Variants in ANKRD1 observed in about 807,000 individuals in gnomAD.
The protein encoded by ANKRD1 is ankyrin repeat domain-containing protein 1.
ANKRD1 carries 32 observed loss-of-function variants against 40.1 expected under a neutral mutation model. The ratio of observed to expected loss-of-function variants is 0.80; its 90% CI spans 0.60 to 1.07. ANKRD1 has a LOEUF of 1.07. Among genes scored for constraint, ANKRD1 ranks in the 50% least tolerant of loss-of-function variants. ANKRD1 has a pLI of 0.00. For missense variants in ANKRD1, 359 were observed against 386.0 expected, an observed-to-expected ratio of 0.93 and a Z score of 0.59; for synonymous variants, 149 against 141.2, an observed-to-expected ratio of 1.06 and a Z score of -0.39.
chr10:90,913,715 C>T (rs561389426), intron 8 of ANKRD1, among the ~76,000 whole-genome samples: 3 of 152,274 alleles, frequency 2.0e-5, no homozygotes, highest in South Asian at 4.2e-4. Context: ...TTTAACCCAG[C>T]GACTGCAAAT....
In ANKRD1 at chr10:90,918,991, AAT is replaced by A. The variant is rs60406118; in HGVS notation, c.346-21_346-20del. The A allele has an allele frequency of 0.023, 5,965 of 259,870 alleles. No homozygotes were observed. Among genetic ancestry groups the A allele is most frequent in the East Asian group, 0.049 (204 of 4,202 alleles). The allele number at this position is 259,870 out of a possible 1,614,324, so 16.1% of individuals were successfully genotyped here. ...GTTCCGTCTAAAGCCAAAATAAATAAATATATATATATATATATATATATAGC... is the reference window on the plus strand; with the variant it reads ...GTTCCGTCTAAAGCCAAAATAAATAAATATATATATATATATATATATAGC... On this transcript the variant is annotated intron_variant, in intron 3 of 8. Transcript: ENST00000371697.
chr10:90,914,338 G>C (rs1847346324), intron 8 of ANKRD1, among the ~76,000 whole-genome samples: 1 of 151,900 alleles, frequency 6.6e-6, no homozygotes, highest in Admixed American at 6.6e-5. Context: ...TAAATTCCTT[G>C]CACTTCTCTC....
At chr10:90,914,837 T>C (rs1237680485) in intron 8 of ANKRD1, among the ~76,000 whole-genome samples, 4 of 151,802 alleles carry the variant, frequency 2.6e-5, no homozygotes, top group Admixed American at 6.6e-5. Context: ...TATTAGATGG[T>C]GTTTGTCTGG....
At chr10:90,918,842 G>T (rs1458280289) in intron 4 of ANKRD1, 23 bp downstream of exon 4, 3 of 1,523,960 alleles carry the variant, frequency 2.0e-6, no homozygotes, top group Non-Finnish European at 2.7e-6. Flanking sequence ...GCTGGATTTT[G>T]CAGTGCTTTG....
rs868217889 is a variant in ANKRD1 at position 90,915,413 on chromosome 10, A to G, written c.849+130T>C. ...CAAGATAAACACTGTCCTTGGGGAA[A>G]TGGGCAGGGGCATTTAGACCATCGA... On this transcript the variant is annotated intron_variant, in intron 8 of 8. Coordinates refer to ENST00000371697, the MANE Select transcript of ANKRD1 (RefSeq NM_014391.3). The G allele has an allele frequency of 3.2e-5, 26 of 803,970 alleles. 1 individual carries two copies. The Middle Eastern group carries it at 1.9e-3, about 60-fold the overall frequency. The allele number at this position is 803,970 out of a possible 1,614,324, so 49.8% of individuals were successfully genotyped here.
rs781673866 is a variant in ANKRD1 at position 90,915,800 on chromosome 10, G to A, written c.732C>T (p.Asp244=). ...CAEHLIACEA[D]LNAKDREGDT... is the part of the protein sequence containing the mutation. ...TACTCACTCTGTCTTTGGCGTTGAG[G>A]TCTGCCTCACAGGCGATAAGATGCT... The change falls in exon 7 of 9, where the codon GAC becomes GAT. Residue 244 remains aspartate (D), a synonymous_variant. Transcript: ENST00000371697. 32 of 1,613,722 alleles carry A rather than the reference G, an allele frequency of 2.0e-5. No homozygotes were observed. The highest frequency in any genetic ancestry group is 2.6e-5 in the Non-Finnish European group (31 of 1,179,984).
Position 90,912,966 on chromosome 10 carries a change from G to A in ANKRD1, c.860C>T (p.Thr287Met), listed in dbSNP as rs794728975. ...DLNIKNCAGK[T>M]PMDLVLHWQN... ...CCAGTGTAGCACCAGATCCATCGGC[G>A]TCTTCCCAGCCTAATCAAATGAGAT... Residue 287 changes from threonine to methionine, a missense_variant, in exon 9 of 9, where the codon ACG (threonine) becomes ATG (methionine). Physicochemically the swap from Thr to Met is moderately conservative, Grantham distance 81. Transcript: ENST00000371697. 12 of 1,613,856 alleles carry A rather than the reference G, an allele frequency of 7.4e-6. No homozygotes were observed. The African/African-American group carries it at 9.3e-5, about 13-fold the overall frequency.
At position 90,918,991 on chromosome 10, in the gene ANKRD1, A is replaced by AATAAATAT. The variant is rs1554827903; in HGVS notation, c.346-20_346-19insATATTTAT. 7.8e-5 allele frequency: 21 copies of AATAAATAT among 269,582 alleles called. No homozygotes were observed. The African/African-American group carries it at 1.4e-3, about 18-fold the overall frequency. The allele number at this position is 269,582 out of a possible 1,614,324, so 16.7% of individuals were successfully genotyped here. A position where few individuals can be genotyped will look rare whatever the true frequency, so the allele number is the denominator to read the frequency against. On this transcript the variant is annotated intron_variant, in intron 3 of 8. Coordinates refer to ENST00000371697, the MANE Select transcript of ANKRD1 (RefSeq NM_014391.3). ...GTTCCGTCTAAAGCCAAAATAAATA[A>AATAAATAT]ATATATATATATATATATATATATA...
At position 90,915,464 on chromosome 10, in the gene ANKRD1, G is replaced by T. The variant is rs878906921; in HGVS notation, c.849+79C>A. On this transcript the variant is annotated intron_variant, in intron 8 of 8. Coordinates refer to ENST00000371697, the MANE Select transcript of ANKRD1 (RefSeq NM_014391.3). ...AGACCCCTCAAATACTGCCATTGTG[G>T]GAGTCGTTTCACCTATTTAAGAAAT... The T allele has an allele frequency of 8.1e-6, 10 of 1,238,130 alleles. No homozygotes were observed. In the South Asian group the frequency reaches 1.3e-4, roughly 16 times the overall value. 76.7% of individuals were successfully genotyped at this position (1,238,130 alleles called of 1,614,324 possible).
At position 90,912,877 on chromosome 10, in the gene ANKRD1, C is replaced by G. The variant is rs771333829; in HGVS notation, c.949G>C (p.Ala317Pro). ...GTCTGTCGTTTGCCTCAGAATGTAG[C>G]TATGCGAGAGGTCTTGTAGGAGTTC... ...RENSYKTSRI[A>P]TF The change falls in exon 9 of 9, where the codon GCT (alanine) becomes CCT (proline). Residue 317 changes from alanine to proline, a missense_variant. Transcript: ENST00000371697. 6.2e-7 allele frequency: 1 copy of G among 1,613,928 alleles called. No homozygotes were observed. Among genetic ancestry groups the G allele is most frequent in the Non-Finnish European group, 8.5e-7 (1 of 1,179,850 alleles).
chr10:90,920,085 G>C (rs1847418597), intron 2 of ANKRD1, 84 bp downstream of exon 2: 2 of 1,573,994 alleles, frequency 1.3e-6, no homozygotes, highest in African/African-American at 1.3e-5. Flanking sequence ...GATTGGGTTT[G>C]TTTCTCTCTT....
At chr10:90,916,493 T>A (rs780279522) in intron 5 of ANKRD1, among the ~76,000 whole-genome samples, 2 of 152,178 alleles carry the variant, frequency 1.3e-5, no homozygotes, top group Admixed American at 6.5e-5. Context: ...AATCTAATAA[T>A]GTTTTAAAAG....
chr10:90,912,731 C>T lies in ANKRD1; in HGVS notation c.*135G>A. The T allele has an allele frequency of 1.2e-6, 1 of 865,498 alleles. No homozygotes were observed. 53.6% of individuals were successfully genotyped at this position (865,498 alleles called of 1,614,324 possible). On this transcript the variant is annotated 3_prime_UTR_variant, in exon 9 of 9. Transcript: ENST00000371697. Reference sequence around the variant, plus strand: ...TTAAACACCTATAACCCTGTGCTTTCTCAAAACTTCATTAGGTACATCTTC... The same window carrying T: ...TTAAACACCTATAACCCTGTGCTTTTTCAAAACTTCATTAGGTACATCTTC...
chr10:90,912,984 A>C lies in ANKRD1; in HGVS notation c.850-8T>G, dbSNP rs772613237. On this transcript the variant is annotated splice_polypyrimidine_tract_variant and splice_region_variant and intron_variant, in intron 8 of 8. Coordinates refer to ENST00000371697, the MANE Select transcript of ANKRD1 (RefSeq NM_014391.3). Reference sequence around the variant, plus strand: ...CATCGGCGTCTTCCCAGCCTAATCAAATGAGATAAGGAAAGTTGACTTTCA... The same window carrying C: ...CATCGGCGTCTTCCCAGCCTAATCACATGAGATAAGGAAAGTTGACTTTCA... 1.2e-6 allele frequency: 2 copies of C among 1,613,368 alleles called. No homozygotes were observed. The highest frequency in any genetic ancestry group is 2.2e-5 in the South Asian group (2 of 91,058).
intron 8 of ANKRD1, 51 bp downstream of exon 8, chr10:90,915,492 T>C: frequency 6.6e-7 from 1 of 1,525,324 alleles, no homozygotes; most frequent in Non-Finnish European, 9.1e-7. Context: ...TAAGAAATGC[T>C]CCTGGAAATT....
intron 5 of ANKRD1, 144 bp downstream of exon 5, chr10:90,917,588 T>C: frequency 2.9e-6 from 2 of 691,570 alleles, no homozygotes; most frequent in Non-Finnish European, 2.5e-6. Context: ...CTCCCAACTT[T>C]CCTTTATTTG....
intron 5 of ANKRD1, among the ~76,000 whole-genome samples, chr10:90,917,165 A>T (rs1847382002): frequency 6.6e-6 from 1 of 152,202 alleles, no homozygotes; most frequent in Non-Finnish European, 1.5e-5. Flanking sequence ...CTGCATTTAA[A>T]TACATAAAGA....
At position 90,912,287 on chromosome 10, in the gene ANKRD1, T is replaced by C. The variant is rs1847322062; in HGVS notation, c.*579A>G. 1.8e-5 allele frequency: 1 copy of C among 55,022 alleles called. No homozygotes were observed. Among genetic ancestry groups the C allele is most frequent in the Non-Finnish European group, 3.4e-5 (1 of 29,754 alleles). The allele number at this position is 55,022 out of a possible 1,614,324, so 3.4% of individuals were successfully genotyped here. On this transcript the variant is annotated 3_prime_UTR_variant, in exon 9 of 9. Coordinates refer to ENST00000371697, the MANE Select transcript of ANKRD1 (RefSeq NM_014391.3). Reference sequence around the variant, plus strand: ...CTCTTCACTTGGGTACTCTGTGTACTCGGTAAAAAAAAAAAAAAAAAAAAA... The same window carrying C: ...CTCTTCACTTGGGTACTCTGTGTACCCGGTAAAAAAAAAAAAAAAAAAAAA...
intron 7 of ANKRD1, 22 bp downstream of exon 7, chr10:90,915,760 C>T: frequency 6.2e-7 from 1 of 1,613,646 alleles, no homozygotes; most frequent in Non-Finnish European, 8.5e-7. Context: ...TTTGGGAAAC[C>T]CGAGCGTGTC....
Sources: gnomAD v4.1 joint callset for allele counts (sites outside exome capture counted in the v4.1 genomes callset) on GRCh38, gnomAD v4.1.1 for gene constraint, MANE v1.5 for transcripts, NCBI Gene and HGNC (gene_info 2026-07-23, HGNC 2026-07-21) for gene names.